The following RALYL variants were observed in gnomAD, a reference collection of about 807,000 sequenced individuals.
The protein encoded by RALYL is RALY RNA binding protein like.
In RALYL, 29 loss-of-function variants were observed where a neutral mutation model predicts 35.1. The observed-to-expected ratio is 0.83, with a 90% CI of 0.61 to 1.13. RALYL has a LOEUF of 1.13. Among genes scored for constraint, RALYL ranks in the 50% most tolerant of loss-of-function variants. The probability of loss-of-function intolerance (pLI) is 0.00; values close to 1 mark genes in which losing one functional copy is unlikely to be tolerated. For missense variants in RALYL, 359 were observed against 360.4 expected, an observed-to-expected ratio of 1.00 and a Z score of 0.03; for synonymous variants, 120 against 127.6, an observed-to-expected ratio of 0.94 and a Z score of 0.40.
At chr8:84,224,939 G>A (rs1823480931) in intron 1 of RALYL, among the ~76,000 whole-genome samples, 1 of 152,204 alleles carries the variant, frequency 6.6e-6, no homozygotes, top group Admixed American at 6.5e-5. Context: ...ACAGGCATGA[G>A]CCACTGCACC....
chr8:84,456,168 G>C (rs569710057), intron 1 of RALYL, among the ~76,000 whole-genome samples: 1 of 151,890 alleles, frequency 6.6e-6, no homozygotes, highest in South Asian at 2.1e-4. Flanking sequence ...AAACAGACTG[G>C]GTGAGGTGTT....
At chr8:84,427,086 A>C (rs901829124) in intron 1 of RALYL, among the ~76,000 whole-genome samples, 1 of 152,226 alleles carries the variant, frequency 6.6e-6, no homozygotes, top group Non-Finnish European at 1.5e-5. Flanking sequence ...CATATATATA[A>C]TTTTACTAAT....
chr8:84,443,836 C>T (rs1372157953), intron 1 of RALYL, among the ~76,000 whole-genome samples: 1 of 152,084 alleles, frequency 6.6e-6, no homozygotes, highest in African/African-American at 2.4e-5. Flanking sequence ...TTCTTAATTA[C>T]ATACTAATAA....
At chr8:84,302,783 G>A (rs1433919719) in intron 1 of RALYL, among the ~76,000 whole-genome samples, 2 of 152,150 alleles carry the variant, frequency 1.3e-5, no homozygotes, top group South Asian at 2.1e-4. Flanking sequence ...ATTGATCAGG[G>A]TGAGTCTTTC....
chr8:84,234,885 C>T (rs112248344), intron 1 of RALYL, among the ~76,000 whole-genome samples: 16,066 of 151,842 alleles, frequency 0.11, 1,702 homozygotes, highest in African/African-American at 0.27. Flanking sequence ...CTGCCTCAGC[C>T]TCCCAAACAG....
intron 2 of RALYL, among the ~76,000 whole-genome samples, chr8:84,700,639 G>A (rs1453277606): frequency 6.6e-6 from 1 of 152,086 alleles, no homozygotes; most frequent in Non-Finnish European, 1.5e-5. Context: ...ATTCAAAAAA[G>A]AACAATGATA....
chr8:84,227,556 A>T (rs1444867734), intron 1 of RALYL, among the ~76,000 whole-genome samples: 1 of 152,176 alleles, frequency 6.6e-6, no homozygotes, highest in Admixed American at 6.5e-5. Flanking sequence ...ATCAAACAAA[A>T]GTTACATGAT....
At chr8:84,887,478 C>A in intron 7 of RALYL, 126 bp from the exon 8 acceptor site, 1 of 676,522 alleles carries the variant, frequency 1.5e-6, no homozygotes, top group Admixed American at 3.4e-5. Context: ...CATAATATTA[C>A]CTTACCTTCT....
chr8:84,829,871 T>C (rs542110197), intron 4 of RALYL, among the ~76,000 whole-genome samples: 2 of 152,160 alleles, frequency 1.3e-5, no homozygotes, highest in African/African-American at 4.8e-5. Context: ...CTCCATGTCT[T>C]TAGTGTATGT....
intron 2 of RALYL, among the ~76,000 whole-genome samples, chr8:84,547,549 G>A (rs1209124431): frequency 2.0e-5 from 3 of 151,526 alleles, no homozygotes; most frequent in South Asian, 2.1e-4. Flanking sequence ...CCGTCTAATC[G>A]TTTGTATTTT....
chr8:84,690,681 T>C (rs1837851047), intron 2 of RALYL, among the ~76,000 whole-genome samples: 2 of 152,048 alleles, frequency 1.3e-5, no homozygotes, highest in Admixed American at 1.3e-4. Context: ...AATTTAAAAA[T>C]AAATTTCTAA....
intron 1 of RALYL, among the ~76,000 whole-genome samples, chr8:84,227,384 C>T (rs1381340585): frequency 6.6e-6 from 1 of 151,938 alleles, no homozygotes; most frequent in Non-Finnish European, 1.5e-5. Context: ...CTTAAAAAGG[C>T]TCTAATAAAA....
chr8:84,669,167 T>C lies in RALYL; in HGVS notation c.257-105412T>C, dbSNP rs561788552. On this transcript the variant is annotated intron_variant, in intron 2 of 8. Coordinates refer to ENST00000521268, the MANE Select transcript of RALYL (RefSeq NM_173848.7). ...CACAACTTTCAGTCTAGTGTTGGTT[T>C]TGTCAGATCACCCCTGGACAGTCCA... Among the ~76,000 whole-genome samples, 10 of 152,264 alleles carry C rather than the reference T, an allele frequency of 6.6e-5. No individual in the cohort carries two copies. In the East Asian group the frequency reaches 1.9e-3, roughly 29 times the overall value.
chr8:84,244,394 A>G (rs1281486383), intron 1 of RALYL, among the ~76,000 whole-genome samples: 2 of 152,212 alleles, frequency 1.3e-5, no homozygotes, highest in Non-Finnish European at 1.5e-5. Context: ...GTTATACAAC[A>G]TTCCATTATT....
chr8:84,799,205 G>C (rs1822616877), intron 3 of RALYL, among the ~76,000 whole-genome samples: 1 of 151,990 alleles, frequency 6.6e-6, no homozygotes, highest in Non-Finnish European at 1.5e-5. Context: ...GTCTTAGGGG[G>C]AGCTTGGCAA....
At chr8:84,550,798 G>A (rs551090298) in intron 2 of RALYL, among the ~76,000 whole-genome samples, 1 of 151,734 alleles carries the variant, frequency 6.6e-6, no homozygotes, top group Admixed American at 6.6e-5. Context: ...AAAAAATAAA[G>A]TTTTCCAAAT....
chr8:84,908,139 C>T (rs1181140353), intron 8 of RALYL, among the ~76,000 whole-genome samples: 2 of 152,086 alleles, frequency 1.3e-5, no homozygotes, highest in Non-Finnish European at 2.9e-5. Context: ...AGTGTATGTA[C>T]ACATATGTAG....
chr8:84,467,116 GA>G (rs1425877613), intron 1 of RALYL, among the ~76,000 whole-genome samples: 1 of 151,914 alleles, frequency 6.6e-6, no homozygotes, highest in Non-Finnish European at 1.5e-5. Context: ...TTAATTTTTT[GA>G]AGGGTTTTTT....
At chr8:84,650,570 C>T (rs1387265872) in intron 2 of RALYL, among the ~76,000 whole-genome samples, 2 of 151,952 alleles carry the variant, frequency 1.3e-5, no homozygotes, top group Admixed American at 1.3e-4. Context: ...AGTCAGGAAA[C>T]AACAGGTGCT....
Sources: gnomAD v4.1 joint callset for allele counts (sites outside exome capture counted in the v4.1 genomes callset) on GRCh38, gnomAD v4.1.1 for gene constraint, MANE v1.5 for transcripts, NCBI Gene and HGNC (gene_info 2026-07-23, HGNC 2026-07-21) for gene names.